Variants in HERC6 observed in about 807,000 individuals in gnomAD.
HERC6 encodes probable E3 ubiquitin-protein ligase HERC6.
In HERC6, 101 loss-of-function variants were observed where a neutral mutation model predicts 114.5. The ratio of observed to expected loss-of-function variants is 0.88; its 90% CI spans 0.75 to 1.04. HERC6 has a LOEUF of 1.04. Ranked by LOEUF, HERC6 falls within the 50% of genes least tolerant of loss-of-function variation. The probability of loss-of-function intolerance (pLI) is 0.00; values close to 1 mark genes in which losing one functional copy is unlikely to be tolerated. For synonymous variants in HERC6, 408 were observed against 436.2 expected, an observed-to-expected ratio of 0.94 and a Z score of 0.81; for missense variants, 1,133 against 1,230.9, an observed-to-expected ratio of 0.92 and a Z score of 1.19.
At chr4:88,391,191 T>C (rs1734901138) in intron 4 of HERC6, among the ~76,000 whole-genome samples, 1 of 152,184 alleles carries the variant, frequency 6.6e-6, no homozygotes, top group Admixed American at 6.5e-5. Context: ...GAATCCATTT[T>C]CGTGCCTTCC....
At chr4:88,392,961 A>T (rs1198096170) in intron 4 of HERC6, among the ~76,000 whole-genome samples, 1 of 152,196 alleles carries the variant, frequency 6.6e-6, no homozygotes, top group African/African-American at 2.4e-5. Flanking sequence ...AGATATGCCC[A>T]TGGCCTGCTA....
chr4:88,442,440 C>A lies in HERC6; in HGVS notation c.3049C>A (p.Pro1017Thr). 1 of 1,613,618 alleles carries A rather than the reference C, an allele frequency of 6.2e-7. No homozygotes were observed. The highest frequency in any genetic ancestry group is 8.5e-7 in the Non-Finnish European group (1 of 1,179,736). Reference protein sequence around the residue: ...AINNNRGFVSPMLTQS With the variant: ...AINNNRGFVSTMLTQS ...CAACAACAACAGAGGATTTGTCTCA[C>A]CCATGCTCACACAGTCATAATCACC... is the stretch of plus-strand genomic sequence containing the variant. The change falls in exon 23 of 23, where the codon CCC becomes ACC. Residue 1017 changes from proline to threonine, a missense_variant. Around this residue, in one of 3 missense-constraint regions of HERC6, gnomAD observed 388 missense variants for 445.9 expected, o/e 0.87. Transcript: ENST00000264346.
intron 6 of HERC6, among the ~76,000 whole-genome samples, chr4:88,396,489 A>G (rs1735237110): frequency 6.6e-6 from 1 of 152,100 alleles, no homozygotes; most frequent in African/African-American, 2.4e-5. Flanking sequence ...TTACATATAT[A>G]TTTTCGGAGT....
intron 10 of HERC6, among the ~76,000 whole-genome samples, chr4:88,406,927 T>G (rs749733407): frequency 3.0e-4 from 46 of 151,988 alleles, no homozygotes; most frequent in Non-Finnish European, 5.4e-4. Context: ...CAGCTAATTT[T>G]TTATGTTTTT....
At chr4:88,384,235 T>C (rs1272708739) in intron 2 of HERC6, among the ~76,000 whole-genome samples, 1 of 152,186 alleles carries the variant, frequency 6.6e-6, no homozygotes, top group Non-Finnish European at 1.5e-5. Context: ...AGGTGACATA[T>C]ATAAAACTTT....
chr4:88,391,557 C>T (rs776018512), intron 4 of HERC6, among the ~76,000 whole-genome samples: 29 of 152,288 alleles, frequency 1.9e-4, no homozygotes, highest in Non-Finnish European at 3.2e-4. Flanking sequence ...TCCCGATGCC[C>T]AGGTCAGACC....
Position 88,405,617 on chromosome 4 carries a change from A to G in HERC6, c.1274+4A>G. The G allele has an allele frequency of 6.9e-7, 1 of 1,445,674 alleles. No individual in the cohort carries two copies. Among genetic ancestry groups the G allele is most frequent in the Non-Finnish European group, 9.5e-7 (1 of 1,051,810 alleles). 89.6% of individuals were successfully genotyped at this position (1,445,674 alleles called of 1,614,324 possible). Reference sequence around the variant, plus strand: ...CTGCAAGTTTTTTAAAGAAAAGGTAATACTTACATAAGATTTACCTTCATT... The same window carrying G: ...CTGCAAGTTTTTTAAAGAAAAGGTAGTACTTACATAAGATTTACCTTCATT... On this transcript the variant is annotated splice_donor_region_variant and intron_variant, in intron 10 of 22. Transcript: ENST00000264346.
intron 13 of HERC6, among the ~76,000 whole-genome samples, chr4:88,420,176 T>C (rs1736888059): frequency 6.6e-6 from 1 of 152,172 alleles, no homozygotes; most frequent in Non-Finnish European, 1.5e-5. Flanking sequence ...CCCTGGCGCT[T>C]TGTAGTACTC....
intron 8 of HERC6, among the ~76,000 whole-genome samples, chr4:88,403,169 T>G (rs765573459): frequency 7.2e-5 from 11 of 152,184 alleles, no homozygotes; most frequent in Non-Finnish European, 1.3e-4. Flanking sequence ...GCAATGGTTC[T>G]CAAAGTGTGA....
chr4:88,417,470 T>C lies in HERC6; in HGVS notation c.1604T>C (p.Ile535Thr), dbSNP rs751984862. 18 of 1,611,356 alleles carry C rather than the reference T, an allele frequency of 1.1e-5. No homozygotes were observed. Among genetic ancestry groups the C allele is most frequent in the South Asian group, 9.9e-5 (9 of 90,470 alleles). ...CAAGAATCTTCTCTGAATCCGCTGA[T>C]CCAGATGCTTAAAGCAGCCATCATC... Reference protein sequence around the residue: ...FLQESSLNPLIQMLKAAIISQ... With the variant: ...FLQESSLNPLTQMLKAAIISQ... Residue 535 changes from isoleucine to threonine, a missense_variant, in exon 13 of 23, where the codon ATC (isoleucine) becomes ACC (threonine). By Grantham distance (89) the Ile-to-Thr change is moderately conservative (BLOSUM62 -1). This residue lies in a region of HERC6 where 735 missense variants were observed against 754.0 expected (regional missense o/e 0.97). Coordinates refer to ENST00000264346, the MANE Select transcript of HERC6 (RefSeq NM_017912.4).
intron 20 of HERC6, 79 bp from the exon 21 acceptor site, chr4:88,439,795 A>T: frequency 7.7e-7 from 1 of 1,290,826 alleles, no homozygotes; most frequent in African/African-American, 1.5e-5. Context: ...AAATAGTAAA[A>T]AGAACAAAGT....
At chr4:88,421,008 T>C (rs1038952850) in intron 13 of HERC6, among the ~76,000 whole-genome samples, 2 of 152,224 alleles carry the variant, frequency 1.3e-5, no homozygotes, top group African/African-American at 4.8e-5. Context: ...ATTTGCCTAT[T>C]CTGGACATTT....
chr4:88,379,838 A>G (rs1486223453), intron 1 of HERC6, among the ~76,000 whole-genome samples: 1 of 76,308 alleles, frequency 1.3e-5, no homozygotes, highest in Non-Finnish European at 2.3e-5. Flanking sequence ...AAATATATAT[A>G]ATATATAAAT....
At chr4:88,420,782 AAAAT>A (rs1736968314) in intron 13 of HERC6, among the ~76,000 whole-genome samples, 1 of 152,184 alleles carries the variant, frequency 6.6e-6, no homozygotes, top group South Asian at 2.1e-4. Flanking sequence ...TTTAAAAATA[AAAAT>A]AAATAAATAA....
chr4:88,397,975 G>C (rs1168552478), intron 7 of HERC6, 167 bp from the exon 8 acceptor site: 1 of 541,644 alleles, frequency 1.8e-6, no homozygotes, highest in Non-Finnish European at 3.3e-6. Context: ...ATTTCAATAT[G>C]ATGGGAGGGA....
chr4:88,421,231 T>C lies in HERC6; in HGVS notation c.1714-2629T>C, dbSNP rs188355655. On this transcript the variant is annotated intron_variant, in intron 13 of 22. Transcript: ENST00000264346. ...GGTTATTTCCACTCTTTGGCTATTATGAATAATGCCGCTATTTAAATGTCT... is the reference window on the plus strand; with the variant it reads ...GGTTATTTCCACTCTTTGGCTATTACGAATAATGCCGCTATTTAAATGTCT... 2.2e-4 allele frequency among the ~76,000 whole-genome samples: 34 copies of C among 152,340 alleles called. No individual in the cohort carries two copies. The East Asian group carries it at 6.5e-3, about 29-fold the overall frequency.
chr4:88,399,046 T>C lies in HERC6; in HGVS notation c.1092+837T>C, dbSNP rs994859729. 33 of 152,218 alleles carry C rather than the reference T, an allele frequency of 2.2e-4. 1 individual carries two copies. Among genetic ancestry groups the C allele is most frequent in the African/African-American group, 8.0e-4 (33 of 41,468 alleles). 9.4% of individuals were successfully genotyped at this position (152,218 alleles called of 1,614,324 possible). On this transcript the variant is annotated intron_variant, in intron 8 of 22. Transcript: ENST00000264346. Reference sequence around the variant, plus strand: ...TAACAGGAGGGATTTTATTATTACATTTCTGGGTGAGTTCTGAAATATGTT... The same window carrying C: ...TAACAGGAGGGATTTTATTATTACACTTCTGGGTGAGTTCTGAAATATGTT...
At chr4:88,392,800 G>A (rs765800965) in intron 4 of HERC6, among the ~76,000 whole-genome samples, 9 of 152,016 alleles carry the variant, frequency 5.9e-5, no homozygotes, top group East Asian at 1.9e-4. Flanking sequence ...TTGCAGTCAG[G>A]GTGGCTTATT....
Position 88,428,744 on chromosome 4 carries a change from AT to A in HERC6, c.2102del (p.Leu701Ter). 1 of 1,552,336 alleles carries A rather than the reference AT, an allele frequency of 6.4e-7. No homozygotes were observed. Among genetic ancestry groups the A allele is most frequent in the Non-Finnish European group, 8.7e-7 (1 of 1,153,536 alleles). The stretch of plus-strand genomic sequence containing the variant: ...CTGAAGCTACTGACTTCTGCAAAGT[AT>A]TAGTGGTACAGTAAAAAGTCTCATT... ...QAEATDFCKV[L>X]VVEFINEICP... On this transcript the variant is annotated frameshift_variant, in exon 16 of 23. Coordinates refer to ENST00000264346, the MANE Select transcript of HERC6 (RefSeq NM_017912.4). LOFTEE classifies it high-confidence loss of function.
Sources: allele counts gnomAD v4.1 joint callset (sites outside exome capture counted in the v4.1 genomes callset), GRCh38; gene constraint gnomAD v4.1.1; regional missense constraint gnomAD v4.1.1; transcripts MANE v1.5; gene names NCBI Gene and HGNC (gene_info 2026-07-23, HGNC 2026-07-21).